The following OSBP2 variants were observed in gnomAD, a reference collection of about 807,000 sequenced individuals.
OSBP2 encodes oxysterol binding protein 2.
In OSBP2, 66 loss-of-function variants were observed where a neutral mutation model predicts 96.0. The observed-to-expected ratio is 0.69, with a 90% confidence interval of 0.56 to 0.84. The LOEUF (loss-of-function observed/expected upper bound fraction) is 0.84, where lower values mean the gene tolerates loss of function less well. Ranked by LOEUF, OSBP2 falls within the 40% of genes least tolerant of loss-of-function variation. OSBP2 has a pLI of 0.00. For synonymous variants in OSBP2, 525 were observed against 520.9 expected (o/e 1.01, Z -0.11); for missense variants, 1,038 against 1,222.7 (o/e 0.85, Z 2.25).
At chr22:30,899,402 C>CAA (rs59384656) in intron 12 of OSBP2, among the ~76,000 whole-genome samples, 5,887 of 86,468 alleles carry the variant, frequency 0.068, 175 homozygotes, top group East Asian at 0.14. Flanking sequence ...GACCCTATCT[C>CAA]AAAAAAAAAA....
intron 2 of OSBP2, among the ~76,000 whole-genome samples, chr22:30,801,530 A>G (rs1174730093): frequency 2.0e-5 from 3 of 152,194 alleles, no homozygotes; most frequent in Non-Finnish European, 4.4e-5. Context: ...AGAGTCTTCT[A>G]TGCCTGCTTG....
chr22:30,794,262 A>ATTTTT (rs136291), intron 2 of OSBP2, among the ~76,000 whole-genome samples: 1 of 134,904 alleles, frequency 7.4e-6, no homozygotes, highest in Non-Finnish European at 1.6e-5. Flanking sequence ...TCCTCTATTC[A>ATTTTT]TTTTTTTTTT....
At chr22:30,784,691 G>T (rs12165718) in intron 2 of OSBP2, among the ~76,000 whole-genome samples, 1 of 151,874 alleles carries the variant, frequency 6.6e-6, no homozygotes, top group African/African-American at 2.4e-5. Context: ...TTGAATACTC[G>T]TCTTCACTGA....
At chr22:30,873,128 A>C (rs2039494618) in intron 3 of OSBP2, among the ~76,000 whole-genome samples, 1 of 152,200 alleles carries the variant, frequency 6.6e-6, no homozygotes, top group Non-Finnish European at 1.5e-5. Flanking sequence ...GTCAACGTGG[A>C]AACTGAGGCT....
chr22:30,863,539 A>G (rs1284208815), intron 2 of OSBP2, among the ~76,000 whole-genome samples: 1 of 152,138 alleles, frequency 6.6e-6, no homozygotes, highest in Non-Finnish European at 1.5e-5. Flanking sequence ...GATGCAATGA[A>G]TGCCCTGCTC....
Position 30,730,341 on chromosome 22 carries a change from A to T in OSBP2, c.645-10820A>T, listed in dbSNP as rs2089728734. On this transcript the variant is annotated intron_variant, in intron 1 of 13. Coordinates refer to ENST00000332585, the MANE Select transcript of OSBP2 (RefSeq NM_030758.4). ...GCAGAAAAACTGGTCAATTACGAGG[A>T]TGTAGCTAGTGAATTTTCATGGAGT... Among the ~76,000 whole-genome samples, 3 of 152,266 alleles carry T rather than the reference A, an allele frequency of 2.0e-5. No individual in the cohort carries two copies. In the South Asian group the frequency reaches 6.2e-4, roughly 32 times the overall value.
intron 3 of OSBP2, chr22:30,872,328 C>G (rs767655309): frequency 2.2e-6 from 1 of 456,604 alleles, no homozygotes; most frequent in South Asian, 1.5e-5. Flanking sequence ...CCGGAGGCTT[C>G]CCAGGCACTG....
chr22:30,870,354 C>A lies in OSBP2; in HGVS notation c.854-75C>A. ...GAATGGCGCTATCCACCCTGCCCTG[C>A]TCGGCCTGGCTGTGCAGGCCTCTTG... On this transcript the variant is annotated intron_variant, in intron 2 of 13. Transcript: ENST00000332585. The surrounding 1 kb of genome is among the most constrained non-coding windows in gnomAD (Gnocchi z 4.1). 1.3e-6 allele frequency: 2 copies of A among 1,491,608 alleles called. No homozygotes were observed. The highest frequency in any genetic ancestry group is 1.7e-5 in the Admixed American group (1 of 58,098). The allele number at this position is 1,491,608 out of a possible 1,614,324, so 92.4% of individuals were successfully genotyped here.
chr22:30,854,302 T>C (rs2039035939), intron 2 of OSBP2, among the ~76,000 whole-genome samples: 1 of 118,420 alleles, frequency 8.4e-6, no homozygotes, highest in Non-Finnish European at 1.6e-5. Context: ...CTTTATACAG[T>C]TATCTTTTTT....
rs61729256 is a variant in OSBP2, at chr22:30,695,538, T to G, written c.629T>G (p.Leu210Trp). Residue 210 changes from leucine to tryptophan, a missense_variant, in exon 1 of 14, where the codon TTG becomes TGG. By Grantham distance (61) the Leu-to-Trp change is moderately conservative (BLOSUM62 -2). This residue lies in a region of OSBP2 where 281 missense variants were observed against 273.4 expected (regional missense o/e 1.03). Transcript: ENST00000332585. ...CGCTGGTTCGTGCTGGGCAATGGTT[T>G]GCTCTCTTACTACAGGTATGGAAGC... The part of the protein sequence containing the change: ...QRRWFVLGNG[L>W]LSYYRNQGEM... 250 of 1,609,376 alleles carry G rather than the reference T, an allele frequency of 1.6e-4. No homozygotes were observed. The African/African-American group carries it at 3.1e-3, about 20-fold the overall frequency.
rs115002894 is a variant in OSBP2 at position 30,898,481 on chromosome 22, C to G, written c.2375+4480C>G. The stretch of plus-strand genomic sequence containing the variant: ...TATAAAGGAGAAAAGGTTTAATTAA[C>G]TCACAGTTCTGCCTGATTGATTGGG... On this transcript the variant is annotated intron_variant, in intron 12 of 13. Coordinates refer to ENST00000332585, the MANE Select transcript of OSBP2 (RefSeq NM_030758.4). Among the ~76,000 whole-genome samples the G allele has an allele frequency of 1.5e-3, 228 of 152,302 alleles. 1 individual carries two copies. Among genetic ancestry groups the G allele is most frequent in the African/African-American group, 5.4e-3 (225 of 41,552 alleles).
Position 30,889,049 on chromosome 22 carries a change from C to T in OSBP2, c.1419-128C>T, listed in dbSNP as rs1219069420. ...TGTTATTGCGGTGCCTGTCTACACA[C>T]AGAACACACGGCAGTGACCAGGACA... On this transcript the variant is annotated intron_variant, in intron 5 of 13. Transcript: ENST00000332585. The T allele has an allele frequency of 4.0e-6, 3 of 745,958 alleles. No homozygotes were observed. The East Asian group carries it at 8.0e-5, about 20-fold the overall frequency. The allele number at this position is 745,958 out of a possible 1,614,324, so 46.2% of individuals were successfully genotyped here.
intron 2 of OSBP2, among the ~76,000 whole-genome samples, chr22:30,834,098 G>T (rs1354931209): frequency 6.6e-6 from 1 of 151,742 alleles, no homozygotes; most frequent in Non-Finnish European, 1.5e-5. Context: ...TGCCCACGCT[G>T]GGGTGCAGTG....
intron 2 of OSBP2, among the ~76,000 whole-genome samples, chr22:30,765,273 G>A (rs1041122907): frequency 4.6e-5 from 7 of 151,922 alleles, no homozygotes; most frequent in African/African-American, 1.2e-4. Context: ...GCAGTGGTAC[G>A]ATCTCAGCTC....
chr22:30,891,211 G>T (rs975659686), intron 8 of OSBP2, among the ~76,000 whole-genome samples: 3 of 152,220 alleles, frequency 2.0e-5, no homozygotes, highest in African/African-American at 7.2e-5. Context: ...ACAAGGTCAG[G>T]CCTGGTTGCA....
At chr22:30,846,645 AATGAC>A (rs1286405906) in intron 2 of OSBP2, among the ~76,000 whole-genome samples, 1 of 151,988 alleles carries the variant, frequency 6.6e-6, no homozygotes, top group Non-Finnish European at 1.5e-5. Context: ...TCTAATAACT[AATGAC>A]ATGAGCATTT....
At chr22:30,898,584 CAG>C (rs1176199708) in intron 12 of OSBP2, among the ~76,000 whole-genome samples, 1 of 152,064 alleles carries the variant, frequency 6.6e-6, no homozygotes, top group Non-Finnish European at 1.5e-5. Context: ...AGGAAAAGAG[CAG>C]AGAGTAGGGG....
intron 2 of OSBP2, among the ~76,000 whole-genome samples, chr22:30,846,037 T>C (rs1473651601): frequency 6.6e-6 from 1 of 152,170 alleles, no homozygotes; most frequent in African/African-American, 2.4e-5. Context: ...TGTGTGGATA[T>C]ATGTTTTCAT....
intron 2 of OSBP2, among the ~76,000 whole-genome samples, chr22:30,753,199 G>T (rs898743973): frequency 6.6e-6 from 1 of 152,172 alleles, no homozygotes; most frequent in Admixed American, 6.5e-5. Context: ...TTTGCATATG[G>T]ATTAGCACAG....
Sources: allele counts gnomAD v4.1 joint callset (sites outside exome capture counted in the v4.1 genomes callset), GRCh38; gene constraint gnomAD v4.1.1; regional missense constraint gnomAD v4.1.1; non-coding constraint Gnocchi (gnomAD v3.1); transcripts MANE v1.5; gene names NCBI Gene and HGNC (gene_info 2026-07-23, HGNC 2026-07-21).